Variants in TMEM132D observed in about 807,000 individuals in gnomAD.
TMEM132D encodes mature OL transmembrane protein.
Under a neutral mutation model 62.3 loss-of-function variants are expected in TMEM132D, and 21 were observed. The ratio of observed to expected loss-of-function variants is 0.34; its 90% confidence interval spans 0.24 to 0.49. The LOEUF is 0.49. Ranked by LOEUF, TMEM132D falls within the 20% of genes least tolerant of loss-of-function variation. TMEM132D has a pLI of 0.99. For synonymous variants in TMEM132D, 621 were observed against 575.6 expected (o/e 1.08, Z -1.13); for missense variants, 1,346 against 1,402.8 (o/e 0.96, Z 0.65).
At chr12:129,333,954 C>T (rs1410269081) in intron 4 of TMEM132D, among the ~76,000 whole-genome samples, 1 of 152,142 alleles carries the variant, frequency 6.6e-6, no homozygotes, top group Non-Finnish European at 1.5e-5. Flanking sequence ...AACCCCATCT[C>T]TACTAAAAAC....
chr12:129,345,911 C>A (rs575642187), intron 3 of TMEM132D, among the ~76,000 whole-genome samples: 2 of 152,004 alleles, frequency 1.3e-5, no homozygotes, highest in East Asian at 3.9e-4. Flanking sequence ...TTTTTTATTG[C>A]GTCTCTGCCA....
chr12:129,476,507 C>T (rs186024839), intron 3 of TMEM132D, among the ~76,000 whole-genome samples: 6 of 152,260 alleles, frequency 3.9e-5, no homozygotes, highest in African/African-American at 7.2e-5. Flanking sequence ...TTGCGTGTGC[C>T]GAGCCTGGGG....
intron 3 of TMEM132D, among the ~76,000 whole-genome samples, chr12:129,408,529 T>G (rs1208065511): frequency 2.0e-5 from 3 of 152,040 alleles, no homozygotes; most frequent in Non-Finnish European, 4.4e-5. Flanking sequence ...GAGTGCTTTT[T>G]TTCTACTGTT....
intron 2 of TMEM132D, among the ~76,000 whole-genome samples, chr12:129,663,324 G>T (rs1186685415): frequency 1.3e-5 from 2 of 152,176 alleles, no homozygotes; most frequent in Non-Finnish European, 2.9e-5. Context: ...TTTTAGTAGA[G>T]ATGGGGTTTC....
intron 3 of TMEM132D, among the ~76,000 whole-genome samples, chr12:129,398,756 G>T (rs1392789523): frequency 6.6e-6 from 1 of 152,116 alleles, no homozygotes; most frequent in African/African-American, 2.4e-5. Flanking sequence ...CTTTAATTAT[G>T]AAAAAATTTA....
intron 5 of TMEM132D, among the ~76,000 whole-genome samples, chr12:129,197,576 A>C (rs1878583322): frequency 6.6e-6 from 1 of 152,210 alleles, no homozygotes; most frequent in Non-Finnish European, 1.5e-5. Flanking sequence ...GGCACTGGGA[A>C]AACTGGATAT....
At chr12:129,555,569 CT>C (rs1314890735) in intron 2 of TMEM132D, among the ~76,000 whole-genome samples, 1 of 152,114 alleles carries the variant, frequency 6.6e-6, no homozygotes, top group Non-Finnish European at 1.5e-5. Context: ...GTTTTTGGAC[CT>C]TCTAAAACTT....
At chr12:129,771,974 A>C (rs958715484) in intron 1 of TMEM132D, among the ~76,000 whole-genome samples, 1 of 152,236 alleles carries the variant, frequency 6.6e-6, no homozygotes, top group African/African-American at 2.4e-5. Flanking sequence ...TTATATAAAC[A>C]AAGGACGGCA....
At chr12:129,751,018 A>G (rs1268672336) in intron 1 of TMEM132D, among the ~76,000 whole-genome samples, 1 of 152,182 alleles carries the variant, frequency 6.6e-6, no homozygotes, top group Non-Finnish European at 1.5e-5. Context: ...TGGTTTCTGA[A>G]AATTCAGAAG....
chr12:129,190,174 T>G (rs1399087465), intron 5 of TMEM132D, among the ~76,000 whole-genome samples: 6 of 61,178 alleles, frequency 9.8e-5, no homozygotes, highest in South Asian at 7.5e-4. Flanking sequence ...AGGGAGGGAG[T>G]CTCAGGCCTG....
chr12:129,859,492 T>C (rs530560507), intron 1 of TMEM132D, among the ~76,000 whole-genome samples: 19 of 152,210 alleles, frequency 1.2e-4, no homozygotes, highest in Non-Finnish European at 2.6e-4. Flanking sequence ...AGGATGCCTA[T>C]AATACTTTGC....
intron 2 of TMEM132D, among the ~76,000 whole-genome samples, chr12:129,648,530 G>A (rs1200636103): frequency 6.6e-6 from 1 of 152,184 alleles, no homozygotes; most frequent in Non-Finnish European, 1.5e-5. Context: ...CAATGGGCAA[G>A]GTGAGCCCAT....
At chr12:129,467,502 G>A (rs1873947955) in intron 3 of TMEM132D, among the ~76,000 whole-genome samples, 1 of 152,166 alleles carries the variant, frequency 6.6e-6, no homozygotes, top group Admixed American at 6.5e-5. Context: ...CCAAGAGGTT[G>A]AGCATTCTGA....
chr12:129,520,809 ATTTCT>A (rs908778644), intron 3 of TMEM132D, among the ~76,000 whole-genome samples: 22 of 152,270 alleles, frequency 1.4e-4, no homozygotes, highest in Admixed American at 1.4e-3. Context: ...ACGTGGTCTC[ATTTCT>A]TTTCAAGACC....
chr12:129,672,745 T>A (rs1408989858), intron 2 of TMEM132D, among the ~76,000 whole-genome samples: 1 of 152,106 alleles, frequency 6.6e-6, no homozygotes, highest in East Asian at 1.9e-4. Flanking sequence ...TTCCATGAGT[T>A]TTTGTAGGTG....
chr12:129,278,626 A>G (rs113341866), intron 4 of TMEM132D, among the ~76,000 whole-genome samples: 3 of 152,284 alleles, frequency 2.0e-5, no homozygotes, highest in African/African-American at 4.8e-5. Flanking sequence ...CTGCCGTTCA[A>G]ATGAGGTCCC....
At chr12:129,728,996 G>T in intron 1 of TMEM132D, among the ~76,000 whole-genome samples, 1 of 152,100 alleles carries the variant, frequency 6.6e-6, no homozygotes, top group East Asian at 1.9e-4. Context: ...CGTTTTTAAT[G>T]CCAGTATTTA....
At chr12:129,722,578 G>A (rs1868877515) in intron 1 of TMEM132D, among the ~76,000 whole-genome samples, 1 of 152,116 alleles carries the variant, frequency 6.6e-6, no homozygotes, top group African/African-American at 2.4e-5. Context: ...TGTGTTAGGT[G>A]TAACTGGCTT....
chr12:129,539,258 C>A (rs1244353899), intron 2 of TMEM132D, among the ~76,000 whole-genome samples: 4 of 147,542 alleles, frequency 2.7e-5, no homozygotes, highest in Non-Finnish European at 4.5e-5. Context: ...TTGAGACAGA[C>A]TCTTACTCTG....
Sources: gnomAD v4.1 joint callset for allele counts (sites outside exome capture counted in the v4.1 genomes callset) on GRCh38, gnomAD v4.1.1 for gene constraint, MANE v1.5 for transcripts, NCBI Gene and HGNC (gene_info 2026-07-23, HGNC 2026-07-21) for gene names.